PITPNC1: variants seen among roughly 807,000 people sequenced by gnomAD.
The protein encoded by PITPNC1 is phosphatidylinositol transfer protein cytoplasmic 1.
A neutral mutation model predicts 44.7 loss-of-function variants in PITPNC1; 18 were observed. That is an observed-to-expected ratio of 0.40 (90% confidence interval 0.28 to 0.60). PITPNC1 has a LOEUF of 0.60. PITPNC1 is among the 20% of genes least tolerant of loss of function. The pLI is 0.39. For synonymous variants in PITPNC1, 141 were observed against 149.6 expected (o/e 0.94, Z 0.42); for missense variants, 290 against 418.4 (o/e 0.69, Z 2.68).
At chr17:67,480,095 AC>A (rs1424945372) in intron 1 of PITPNC1, among the ~76,000 whole-genome samples, 1 of 152,174 alleles carries the variant, frequency 6.6e-6, no homozygotes, top group African/African-American at 2.4e-5. Flanking sequence ...CATGTTGATA[AC>A]CAGGATGGCA....
intron 6 of PITPNC1, among the ~76,000 whole-genome samples, chr17:67,646,991 G>A (rs1025879226): frequency 6.6e-6 from 1 of 152,130 alleles, no homozygotes; most frequent in Non-Finnish European, 1.5e-5. Context: ...AAAGCTAGAC[G>A]TACAAACAAC....
At chr17:67,684,154 C>T (rs2042770226) in intron 8 of PITPNC1, among the ~76,000 whole-genome samples, 1 of 149,754 alleles carries the variant, frequency 6.7e-6, no homozygotes, top group South Asian at 2.1e-4. Flanking sequence ...CTCTGTCGCC[C>T]AGGCTGGAGT....
At chr17:67,385,808 C>G (rs1598602074) in intron 1 of PITPNC1, among the ~76,000 whole-genome samples, 1 of 151,960 alleles carries the variant, frequency 6.6e-6, no homozygotes, top group African/African-American at 2.4e-5. Context: ...TTTGTGCAAA[C>G]CTTTCAACAC....
intron 2 of PITPNC1, among the ~76,000 whole-genome samples, chr17:67,551,245 G>T (rs1265828878): frequency 6.6e-6 from 1 of 152,142 alleles, no homozygotes; most frequent in Non-Finnish European, 1.5e-5. Flanking sequence ...TGGGACCTGT[G>T]CCTTTTGAGA....
chr17:67,680,529 G>A (rs1464215883), intron 8 of PITPNC1, among the ~76,000 whole-genome samples: 1 of 151,572 alleles, frequency 6.6e-6, no homozygotes, highest in African/African-American at 2.4e-5. Context: ...GAACCCGGGA[G>A]GCAGAGGTTG....
intron 1 of PITPNC1, among the ~76,000 whole-genome samples, chr17:67,459,113 C>CTTTTTTTTT (rs886333854): frequency 4.9e-4 from 47 of 95,730 alleles, no homozygotes; most frequent in African/African-American, 1.3e-3. Context: ...TTTTCTTTTT[C>CTTTTTTTTT]TTTTTTTTTT....
At chr17:67,578,489 C>A (rs979933736) in intron 5 of PITPNC1, among the ~76,000 whole-genome samples, 3 of 152,166 alleles carry the variant, frequency 2.0e-5, no homozygotes, top group African/African-American at 7.2e-5. Context: ...GGCCTCTGAG[C>A]AGAAGCCTCT....
intron 1 of PITPNC1, among the ~76,000 whole-genome samples, chr17:67,507,444 GGAGGTA>G (rs2040119739): frequency 6.6e-6 from 1 of 152,098 alleles, no homozygotes. Context: ...TAGCACTTTG[GGAGGTA>G]GAGGTAGGCG....
At chr17:67,628,672 G>A (rs1338520944) in intron 5 of PITPNC1, among the ~76,000 whole-genome samples, 1 of 152,186 alleles carries the variant, frequency 6.6e-6, no homozygotes, top group Non-Finnish European at 1.5e-5. Context: ...AGAGGAGGTT[G>A]GTGGACAGGG....
intron 1 of PITPNC1, among the ~76,000 whole-genome samples, chr17:67,475,079 C>T (rs2039606857): frequency 6.6e-6 from 1 of 152,148 alleles, no homozygotes; most frequent in Non-Finnish European, 1.5e-5. Flanking sequence ...GAGGGAGGGC[C>T]CTGCTTTCTT....
intron 1 of PITPNC1, among the ~76,000 whole-genome samples, chr17:67,396,380 CTTTATT>C (rs2038220369): frequency 6.6e-6 from 1 of 151,754 alleles, no homozygotes; most frequent in African/African-American, 2.4e-5. Flanking sequence ...TTCTTTCTTT[CTTTATT>C]TTTGAGATGG....
At chr17:67,639,717 C>A (rs778679315) in intron 6 of PITPNC1, among the ~76,000 whole-genome samples, 5 of 152,192 alleles carry the variant, frequency 3.3e-5, no homozygotes, top group Non-Finnish European at 7.3e-5. Flanking sequence ...TTGGTCCCCA[C>A]AGATCTAAAT....
intron 5 of PITPNC1, among the ~76,000 whole-genome samples, chr17:67,627,422 A>C (rs1299724021): frequency 6.6e-6 from 1 of 152,224 alleles, no homozygotes; most frequent in East Asian, 1.9e-4. Context: ...GGACTTTGGC[A>C]TGAGAATTAG....
chr17:67,460,740 C>CTTTTTTT (rs138545288), intron 1 of PITPNC1, among the ~76,000 whole-genome samples: 2 of 121,532 alleles, frequency 1.6e-5, no homozygotes, highest in East Asian at 2.9e-4. Flanking sequence ...TTCTTTCTTT[C>CTTTTTTT]TTTTTTTTTT....
chr17:67,377,741 G>A lies in PITPNC1; in HGVS notation c.-414G>A, dbSNP rs941187342. 6.2e-6 allele frequency: 1 copy of A among 161,910 alleles called. No individual in the cohort carries two copies. The highest frequency in any genetic ancestry group is 2.4e-5 in the African/African-American group (1 of 41,856). The allele number at this position is 161,910 out of a possible 1,614,324, so 10.0% of individuals were successfully genotyped here. A position where few individuals can be genotyped will look rare whatever the true frequency, so the allele number is the denominator to read the frequency against. On this transcript the variant is annotated 5_prime_UTR_variant, in exon 1 of 9. Coordinates refer to ENST00000581322, the MANE Select transcript of PITPNC1 (RefSeq NM_012417.4). ...CCGTCTGCTTTCGGAGGCGGATCGAGCGGGTGACTTTTGTGCATTCGTTTT... is the reference window on the plus strand; with the variant it reads ...CCGTCTGCTTTCGGAGGCGGATCGAACGGGTGACTTTTGTGCATTCGTTTT...
chr17:67,413,733 C>T lies in PITPNC1; in HGVS notation c.48+35531C>T, dbSNP rs117012368. 2.3e-3 allele frequency among the ~76,000 whole-genome samples: 347 copies of T among 152,252 alleles called. 10 individuals are homozygous for T. The East Asian group carries it at 0.06, about 26-fold the overall frequency. ...ACACTTGCTGGCTATGACCTGGTTC[C>T]AGAACCCCAAATCATTGATGTTGCT... is the stretch of plus-strand genomic sequence containing the variant. On this transcript the variant is annotated intron_variant, in intron 1 of 8. Transcript: ENST00000581322.
intron 1 of PITPNC1, among the ~76,000 whole-genome samples, chr17:67,495,919 C>T (rs181513182): frequency 9.2e-5 from 14 of 152,286 alleles, no homozygotes; most frequent in Non-Finnish European, 1.6e-4. Flanking sequence ...AAGCCAAAGA[C>T]GTTAATCCAT....
At chr17:67,406,623 G>A (rs1191715341) in intron 1 of PITPNC1, among the ~76,000 whole-genome samples, 1 of 146,856 alleles carries the variant, frequency 6.8e-6, no homozygotes, top group East Asian at 2.0e-4. Context: ...GTCTCGCTCT[G>A]TCTAGCAGGC....
intron 1 of PITPNC1, among the ~76,000 whole-genome samples, chr17:67,451,565 T>C (rs1567994885): frequency 2.6e-5 from 4 of 152,176 alleles, no homozygotes; most frequent in African/African-American, 7.2e-5. Context: ...TACGTCTCTA[T>C]AGTTTTGTCT....
Sources: gnomAD v4.1 joint callset for allele counts (sites outside exome capture counted in the v4.1 genomes callset) on GRCh38, gnomAD v4.1.1 for gene constraint, MANE v1.5 for transcripts, NCBI Gene and HGNC (gene_info 2026-07-23, HGNC 2026-07-21) for gene names.